The following ST18 variants were observed in gnomAD, a reference collection of about 807,000 sequenced individuals.
ST18 encodes the protein ST18 C2H2C-type zinc finger transcription factor.
ST18 carries 50 observed loss-of-function variants against 110.0 expected under a neutral mutation model. The observed-to-expected ratio is 0.45, with a 90% CI of 0.36 to 0.58. The LOEUF is 0.58. Among genes scored for constraint, ST18 ranks in the 20% least tolerant of loss-of-function variants. ST18 has a pLI of 0.00. For synonymous variants in ST18, 461 were observed against 452.4 expected (o/e 1.02, Z -0.24); for missense variants, 1,306 against 1,280.1 (o/e 1.02, Z -0.31).
At chr8:52,373,965 G>A (rs565424543) in intron 2 of ST18, among the ~76,000 whole-genome samples, 228 of 152,058 alleles carry the variant, frequency 1.5e-3, no homozygotes, top group Non-Finnish European at 2.5e-3. Context: ...CACACTCCAG[G>A]GCGAACAGTT....
At chr8:52,124,495 T>C in intron 23 of ST18, among the ~76,000 whole-genome samples, 1 of 152,198 alleles carries the variant, frequency 6.6e-6, no homozygotes, top group Admixed American at 6.5e-5. Context: ...TTAACCAGCA[T>C]TTTAGAAAAA....
At chr8:52,171,326 G>A (rs2064887050) in intron 10 of ST18, among the ~76,000 whole-genome samples, 1 of 152,228 alleles carries the variant, frequency 6.6e-6, no homozygotes, top group Non-Finnish European at 1.5e-5. Flanking sequence ...TAGAAAGCCA[G>A]TGAAAGCGTA....
chr8:52,310,616 A>ATT (rs113346418), intron 2 of ST18, among the ~76,000 whole-genome samples: 5 of 151,680 alleles, frequency 3.3e-5, no homozygotes, highest in Non-Finnish European at 5.9e-5. Flanking sequence ...AAGTCTACTC[A>ATT]TTTTTTTTGC....
rs2043343078 is a variant in ST18, at chr8:52,118,413, A to T, written c.2784T>A (p.His928Gln). 1.9e-6 allele frequency: 3 copies of T among 1,611,316 alleles called. No individual in the cohort carries two copies. In the African/African-American group the frequency reaches 4.0e-5, roughly 22 times the overall value. Residue 928 changes from histidine (H) to glutamine (Q), a missense_variant, in exon 24 of 26, where the codon CAT becomes CAA. Transcript: ENST00000689386. ...TCAGTTCCTTTATTTCTTCATCCAA[A>T]TGCCTAATTTCTTCATCACTCTCTA... The part of the protein sequence containing the change: ...GGIESDEEIR[H>Q]LDEEIKELNE...
chr8:52,263,741 G>A (rs2094774762), intron 2 of ST18, among the ~76,000 whole-genome samples: 1 of 135,316 alleles, frequency 7.4e-6, no homozygotes, highest in Admixed American at 7.6e-5. Context: ...CACAGTGCCT[G>A]GCTTTTTTTT....
intron 7 of ST18, among the ~76,000 whole-genome samples, chr8:52,212,356 C>A (rs2082491363): frequency 6.6e-6 from 1 of 152,100 alleles, no homozygotes; most frequent in African/African-American, 2.4e-5. Flanking sequence ...TTTCCAGGTA[C>A]CTGTCCTTAG....
chr8:52,271,241 A>G (rs2095065687), intron 2 of ST18, among the ~76,000 whole-genome samples: 1 of 152,194 alleles, frequency 6.6e-6, no homozygotes, highest in South Asian at 2.1e-4. Flanking sequence ...ATACTGCACC[A>G]AAGTGTATCC....
chr8:52,172,987 A>G (rs2065548249), intron 9 of ST18, among the ~76,000 whole-genome samples: 1 of 152,204 alleles, frequency 6.6e-6, no homozygotes, highest in Non-Finnish European at 1.5e-5. Context: ...GCCAACCAGA[A>G]GAAAATCAAA....
At chr8:52,265,443 A>G (rs138138306) in intron 2 of ST18, among the ~76,000 whole-genome samples, 1,683 of 152,370 alleles carry the variant, frequency 0.011, 31 homozygotes, top group African/African-American at 0.038. Flanking sequence ...TAGCAGCAGT[A>G]TGGAGAATAA....
intron 2 of ST18, among the ~76,000 whole-genome samples, chr8:52,336,633 G>T (rs1234207073): frequency 6.6e-6 from 1 of 152,170 alleles, no homozygotes; most frequent in Non-Finnish European, 1.5e-5. Context: ...CTTCCCATAG[G>T]TTTCCTCTAT....
In ST18 at chr8:52,295,998, GA is replaced by G. The variant is rs761270867; in HGVS notation, c.-464-65922del. Reference sequence around the variant, plus strand: ...GATAATCTACCACAATGTCTTGCTGGAAAAAAAAAATGGGACAACATAATTT... The same window carrying G: ...GATAATCTACCACAATGTCTTGCTGGAAAAAAAAATGGGACAACATAATTT... On this transcript the variant is annotated intron_variant, in intron 2 of 25. Coordinates refer to ENST00000689386, the MANE Select transcript of ST18 (RefSeq NM_001352837.2). Among the ~76,000 whole-genome samples the G allele has an allele frequency of 1.3e-3, 198 of 147,500 alleles. 2 individuals carry two copies. Among genetic ancestry groups the G allele is most frequent in the African/African-American group, 1.9e-3 (75 of 40,308 alleles).
chr8:52,125,891 T>G, intron 23 of ST18, 161 bp downstream of exon 23: 1 of 624,344 alleles, frequency 1.6e-6, no homozygotes, highest in South Asian at 2.8e-5. Context: ...AAATTGGTTT[T>G]TAAACAAAGT....
At chr8:52,352,577 G>A (rs1564556744) in intron 2 of ST18, among the ~76,000 whole-genome samples, 1 of 152,196 alleles carries the variant, frequency 6.6e-6, no homozygotes, top group Non-Finnish European at 1.5e-5. Context: ...GTCTAGGGCT[G>A]TTTTCCAGGT....
chr8:52,110,881 A>C lies in ST18; in HGVS notation c.*2317T>G. Reference sequence around the variant, plus strand: ...TCCTACCATACACCAAATGTACAGCACTGAACACAATTTTGTTGCTTTGAT... The same window carrying C: ...TCCTACCATACACCAAATGTACAGCCCTGAACACAATTTTGTTGCTTTGAT... On this transcript the variant is annotated 3_prime_UTR_variant, in exon 26 of 26. Coordinates refer to ENST00000689386, the MANE Select transcript of ST18 (RefSeq NM_001352837.2). 2.3e-5 allele frequency: 9 copies of C among 389,490 alleles called. No individual in the cohort carries two copies. Among genetic ancestry groups the C allele is most frequent in the Admixed American group, 4.5e-5 (1 of 22,398 alleles). 24.1% of individuals were successfully genotyped at this position (389,490 alleles called of 1,614,324 possible).
rs143731455 is a variant in ST18 at position 52,281,596 on chromosome 8, G to A, written c.-464-51519C>T. Among the ~76,000 whole-genome samples the A allele has an allele frequency of 3.5e-3, 534 of 152,252 alleles. 1 individual carries two copies. The highest frequency in any genetic ancestry group is 0.011 in the African/African-American group (458 of 41,544). On this transcript the variant is annotated intron_variant, in intron 2 of 25. Transcript: ENST00000689386. Reference sequence around the variant, plus strand: ...AGCCTGTCTCAGAATGATCTAGATAGCTAATGGTATCACAGATTAAATTGA... The same window carrying A: ...AGCCTGTCTCAGAATGATCTAGATAACTAATGGTATCACAGATTAAATTGA...
At position 52,300,289 on chromosome 8, in the gene ST18, C is replaced by T. The variant is rs1425671943; in HGVS notation, c.-464-70212G>A. On this transcript the variant is annotated intron_variant, in intron 2 of 25. Coordinates refer to ENST00000689386, the MANE Select transcript of ST18 (RefSeq NM_001352837.2). ...GATGGCTGCGTGTTATATTGCTATA[C>T]AGATTCTTGAATACTCGAACACTCA... 2.6e-5 allele frequency among the ~76,000 whole-genome samples: 4 copies of T among 152,212 alleles called. No individual in the cohort carries two copies. The East Asian group carries it at 5.8e-4, about 22-fold the overall frequency.
rs115567532 is a variant in ST18, at chr8:52,268,922, T to C, written c.-464-38845A>G. Among the ~76,000 whole-genome samples the C allele has an allele frequency of 3.8e-3, 586 of 152,334 alleles. 3 individuals carry two copies. Among genetic ancestry groups the C allele is most frequent in the African/African-American group, 0.013 (559 of 41,576 alleles). On this transcript the variant is annotated intron_variant, in intron 2 of 25. Coordinates refer to ENST00000689386, the MANE Select transcript of ST18 (RefSeq NM_001352837.2). Reference sequence around the variant, plus strand: ...CTCTTGGCACTGAGGTCAGACTGAATGTTTGTCTCACTCTGCAGAACACAG... The same window carrying C: ...CTCTTGGCACTGAGGTCAGACTGAACGTTTGTCTCACTCTGCAGAACACAG...
chr8:52,224,904 C>T (rs2088653142), intron 3 of ST18, among the ~76,000 whole-genome samples: 1 of 152,066 alleles, frequency 6.6e-6, no homozygotes, highest in Non-Finnish European at 1.5e-5. Context: ...ATTAGTTTGC[C>T]CAGCTTTTTG....
intron 15 of ST18, among the ~76,000 whole-genome samples, chr8:52,153,793 C>T (rs1045683409): frequency 3.3e-5 from 5 of 152,308 alleles, no homozygotes; most frequent in Admixed American, 3.3e-4. Flanking sequence ...TTGTGCCACT[C>T]AGAGAAAGTA....
Sources: gnomAD v4.1 joint callset for allele counts (sites outside exome capture counted in the v4.1 genomes callset) on GRCh38, gnomAD v4.1.1 for gene constraint, MANE v1.5 for transcripts, NCBI Gene and HGNC (gene_info 2026-07-23, HGNC 2026-07-21) for gene names.